Variants in COL28A1 observed in about 807,000 individuals in gnomAD.
COL28A1 encodes the protein collagen type XXVIII alpha 1 chain.
A neutral mutation model predicts 150.2 loss-of-function variants in COL28A1; 161 were observed. The observed-to-expected ratio is 1.07, with a 90% confidence interval of 0.94 to 1.22. COL28A1 has a LOEUF of 1.22. Among genes scored for constraint, COL28A1 ranks in the 50% most tolerant of loss-of-function variants. The pLI is 0.00. For synonymous variants in COL28A1, 552 were observed against 469.7 expected (o/e 1.18, Z -2.26); for missense variants, 1,617 against 1,388.3 (o/e 1.16, Z -2.62).
intron 21 of COL28A1, among the ~76,000 whole-genome samples, chr7:7,438,589 C>G (rs1329972297): frequency 6.6e-6 from 1 of 152,192 alleles, no homozygotes; most frequent in African/African-American, 2.4e-5. Flanking sequence ...GCAAGGTGTT[C>G]CAAATGACCC....
At chr7:7,350,410 T>A in the COL28A1 span, among the ~76,000 whole-genome samples, 1 of 152,130 alleles carries the variant, frequency 6.6e-6, no homozygotes, top group East Asian at 1.9e-4. Flanking sequence ...TGGCCTCTAA[T>A]CTTTAGTATA....
the COL28A1 span, among the ~76,000 whole-genome samples, chr7:7,347,743 G>A: frequency 6.6e-6 from 1 of 152,158 alleles, no homozygotes; most frequent in Admixed American, 6.6e-5. Flanking sequence ...GAAACAGCAG[G>A]TACAAAGACA....
chr7:7,445,509 C>T (rs1478770826), intron 18 of COL28A1, among the ~76,000 whole-genome samples: 1 of 152,184 alleles, frequency 6.6e-6, no homozygotes, highest in African/African-American at 2.4e-5. Context: ...TACTTTCTTA[C>T]ATCAGCTCTA....
At chr7:7,433,085 G>T (rs1483426990) in intron 23 of COL28A1, among the ~76,000 whole-genome samples, 1 of 152,090 alleles carries the variant, frequency 6.6e-6, no homozygotes, top group Non-Finnish European at 1.5e-5. Flanking sequence ...AAGTTATGAA[G>T]GGATAGAGTT....
At chr7:7,363,268 C>A (rs1351053655) in intron 33 of COL28A1, among the ~76,000 whole-genome samples, 1 of 152,168 alleles carries the variant, frequency 6.6e-6, no homozygotes, top group African/African-American at 2.4e-5. Flanking sequence ...AAATCTTTAC[C>A]TTGTTCAAGT....
At chr7:7,517,576 T>C (rs1468641246) in intron 7 of COL28A1, among the ~76,000 whole-genome samples, 2 of 152,164 alleles carry the variant, frequency 1.3e-5, no homozygotes, top group Non-Finnish European at 2.9e-5. Context: ...TTGATAGGGT[T>C]GAACACTCCT....
rs994566512 is a variant in COL28A1, at chr7:7,524,322, A to G, written c.682-73T>C. The G allele has an allele frequency of 1.0e-5, 9 of 872,390 alleles. No individual in the cohort carries two copies. In the Admixed American group the frequency reaches 1.0e-4, roughly 10 times the overall value. 54.0% of individuals were successfully genotyped at this position (872,390 alleles called of 1,614,324 possible). On this transcript the variant is annotated intron_variant, in intron 3 of 34. Transcript: ENST00000399429. ...CTCCAGCTACTTATTAGTCATAACT[A>G]TTCCCTATGGGATATGAAGTTTCCA...
chr7:7,501,580 C>T (rs1583516503), intron 11 of COL28A1, among the ~76,000 whole-genome samples: 1 of 152,210 alleles, frequency 6.6e-6, no homozygotes, highest in African/African-American at 2.4e-5. Context: ...ATAGGCTGGG[C>T]AAACCCAGTG....
intron 27 of COL28A1, among the ~76,000 whole-genome samples, chr7:7,413,029 C>G (rs1783872896): frequency 6.6e-6 from 1 of 152,010 alleles, no homozygotes; most frequent in South Asian, 2.1e-4. Flanking sequence ...AGATATCATG[C>G]AGAATGTATT....
At chr7:7,449,878 G>A (rs1786549885) in intron 18 of COL28A1, among the ~76,000 whole-genome samples, 1 of 152,074 alleles carries the variant, frequency 6.6e-6, no homozygotes, top group South Asian at 2.1e-4. Flanking sequence ...TGGTGTGAAA[G>A]ACTTGCTATT....
chr7:7,466,435 T>G (rs2128342744), intron 15 of COL28A1, among the ~76,000 whole-genome samples: 2 of 126,850 alleles, frequency 1.6e-5, no homozygotes, highest in Non-Finnish European at 3.3e-5. Flanking sequence ...GAGCAAAGCC[T>G]CCAAGAAATA....
chr7:7,443,986 G>GGTT (rs1786028187), intron 19 of COL28A1, among the ~76,000 whole-genome samples: 1 of 95,546 alleles, frequency 1.0e-5, no homozygotes, highest in Admixed American at 1.2e-4. Flanking sequence ...TCCATCTGCT[G>GGTT]TTTTTTTTTT....
chr7:7,470,903 T>C (rs1284105236), intron 15 of COL28A1, among the ~76,000 whole-genome samples: 6 of 123,856 alleles, frequency 4.8e-5, no homozygotes, highest in Non-Finnish European at 8.1e-5. Context: ...TAGGTGGGAA[T>C]TGAACAATGA....
intron 3 of COL28A1, among the ~76,000 whole-genome samples, chr7:7,526,521 G>A (rs1251417475): frequency 2.0e-5 from 3 of 151,972 alleles, no homozygotes; most frequent in African/African-American, 7.3e-5. Flanking sequence ...GTTCAACAGA[G>A]GCAGTAAAAC....
chr7:7,376,590 G>C (rs986176829), intron 30 of COL28A1, among the ~76,000 whole-genome samples: 1 of 151,150 alleles, frequency 6.6e-6, no homozygotes, highest in African/African-American at 2.4e-5. Context: ...CATTTAAAAA[G>C]GCATTTAAAA....
At chr7:7,476,037 G>A (rs760284241) in intron 14 of COL28A1, among the ~76,000 whole-genome samples, 32 of 152,152 alleles carry the variant, frequency 2.1e-4, no homozygotes, top group Admixed American at 1.0e-3. Context: ...ATAGATAATT[G>A]AATATCGATC....
intron 27 of COL28A1, among the ~76,000 whole-genome samples, chr7:7,402,960 G>A (rs2128300004): frequency 1.3e-5 from 2 of 152,268 alleles, no homozygotes; most frequent in South Asian, 4.1e-4. Flanking sequence ...GTGTATCCAG[G>A]TGTATGTTAG....
Position 7,524,265 on chromosome 7 carries a change from G to A in COL28A1, c.682-16C>T, listed in dbSNP as rs533815480. 3.2e-5 allele frequency: 42 copies of A among 1,304,096 alleles called. 1 individual carries two copies. The East Asian group carries it at 8.5e-4, about 26-fold the overall frequency. The allele number at this position is 1,304,096 out of a possible 1,614,324, so 80.8% of individuals were successfully genotyped here. A position where few individuals can be genotyped will look rare whatever the true frequency, so the allele number is the denominator to read the frequency against. On this transcript the variant is annotated splice_polypyrimidine_tract_variant and intron_variant, in intron 3 of 34. Coordinates refer to ENST00000399429, the MANE Select transcript of COL28A1 (RefSeq NM_001037763.3). ...ATAAGATATCCTACAAGGGAAAAAA[G>A]AATGAAGCATTAACTCGATTGATAG...
intron 27 of COL28A1, among the ~76,000 whole-genome samples, chr7:7,404,094 C>A (rs969265356): frequency 2.6e-5 from 4 of 151,786 alleles, no homozygotes; most frequent in Admixed American, 2.6e-4. Context: ...TTAGACCGAT[C>A]AGGAAAAAGG....
Sources: allele counts gnomAD v4.1 joint callset (sites outside exome capture counted in the v4.1 genomes callset), GRCh38; gene constraint gnomAD v4.1.1; transcripts MANE v1.5; gene names NCBI Gene and HGNC (gene_info 2026-07-23, HGNC 2026-07-21).